Variants in AUTS2 observed in about 807,000 individuals in gnomAD.
The protein encoded by AUTS2 is activator of transcription and developmental regulator AUTS2.
A neutral mutation model predicts 112.4 loss-of-function variants in AUTS2; 17 were observed. The ratio of observed to expected loss-of-function variants is 0.15; its 90% CI spans 0.10 to 0.23. The LOEUF is 0.23. Among genes scored for constraint, AUTS2 ranks in the 10% least tolerant of loss-of-function variants. AUTS2 has a pLI of 1.00. For missense variants in AUTS2, 1,510 were observed against 1,701.6 expected (o/e 0.89, Z 1.98); for synonymous variants, 751 against 702.7 (o/e 1.07, Z -1.09).
chr7:70,094,258 A>G (rs1220679600), intron 2 of AUTS2, among the ~76,000 whole-genome samples: 1 of 152,252 alleles, frequency 6.6e-6, no homozygotes, highest in Non-Finnish European at 1.5e-5. Flanking sequence ...TGCGCCCTGC[A>G]TGCTTGTTGC....
intron 1 of AUTS2, among the ~76,000 whole-genome samples, chr7:69,801,833 C>T (rs1439894048): frequency 6.6e-6 from 1 of 152,070 alleles, no homozygotes; most frequent in Non-Finnish European, 1.5e-5. Context: ...CGTCTAATAT[C>T]TAGAGTATTA....
At chr7:70,434,553 T>G (rs1468417216) in intron 4 of AUTS2, among the ~76,000 whole-genome samples, 2 of 152,242 alleles carry the variant, frequency 1.3e-5, no homozygotes, top group East Asian at 1.9e-4. Flanking sequence ...AGAATTGCTG[T>G]GCCATCTGCT....
chr7:69,954,040 G>A (rs1398498161), intron 2 of AUTS2, among the ~76,000 whole-genome samples: 1 of 151,952 alleles, frequency 6.6e-6, no homozygotes, highest in Non-Finnish European at 1.5e-5. Flanking sequence ...TCCCCACCCC[G>A]TAGCTTTACT....
chr7:70,677,693 G>A (rs1200405915), intron 5 of AUTS2, among the ~76,000 whole-genome samples: 1 of 152,094 alleles, frequency 6.6e-6, no homozygotes, highest in East Asian at 1.9e-4. Flanking sequence ...AAGGTTCTGG[G>A]ATTATAGGCA....
At chr7:70,363,450 A>T (rs1792374269) in intron 4 of AUTS2, among the ~76,000 whole-genome samples, 1 of 133,684 alleles carries the variant, frequency 7.5e-6, no homozygotes, top group African/African-American at 3.4e-5. Context: ...AACTTAGAGT[A>T]TAATATAAAA....
chr7:70,706,539 G>T (rs1227260961), intron 6 of AUTS2, among the ~76,000 whole-genome samples: 1 of 152,204 alleles, frequency 6.6e-6, no homozygotes, highest in Non-Finnish European at 1.5e-5. Context: ...CAAATCAGGA[G>T]CTGTTGCCTC....
chr7:70,051,461 A>C (rs1801749850), intron 2 of AUTS2, among the ~76,000 whole-genome samples: 1 of 152,220 alleles, frequency 6.6e-6, no homozygotes, highest in African/African-American at 2.4e-5. Context: ...TCACACCTGT[A>C]ATCCCTGCAG....
intron 3 of AUTS2, 185 bp downstream of exon 3, chr7:70,118,418 C>G: frequency 1.4e-6 from 1 of 710,436 alleles, no homozygotes; most frequent in East Asian, 3.4e-5. Flanking sequence ...TGGTGTCATT[C>G]TAAAATGTCG....
intron 2 of AUTS2, among the ~76,000 whole-genome samples, chr7:70,091,097 C>T (rs1407311754): frequency 6.6e-6 from 1 of 152,138 alleles, no homozygotes; most frequent in Admixed American, 6.5e-5. Flanking sequence ...ATAGAACTAG[C>T]GGTTGATACT....
Position 70,574,774 on chromosome 7 carries a change from G to A in AUTS2, c.691-123795G>A, listed in dbSNP as rs538124108. 6.2e-3 allele frequency among the ~76,000 whole-genome samples: 948 copies of A among 152,270 alleles called. 8 individuals carry two copies. The highest frequency in any genetic ancestry group is 0.021 in the African/African-American group (869 of 41,552). ...ATTTGAACAGGACTGCTTTGTTTTA[G>A]CTGGACCTAGAGGTTTAAATCACAA... On this transcript the variant is annotated intron_variant, in intron 5 of 18. Coordinates refer to ENST00000342771, the MANE Select transcript of AUTS2 (RefSeq NM_015570.4).
intron 2 of AUTS2, among the ~76,000 whole-genome samples, chr7:70,015,872 G>A (rs369546333): frequency 3.4e-5 from 5 of 148,658 alleles, no homozygotes; most frequent in African/African-American, 1.2e-4. Context: ...TTTTCCCCCT[G>A]TGCTTATGCT....
intron 5 of AUTS2, among the ~76,000 whole-genome samples, chr7:70,614,462 G>A (rs1039465503): frequency 1.3e-5 from 2 of 152,176 alleles, no homozygotes; most frequent in African/African-American, 2.4e-5. Flanking sequence ...GGATGCTCAC[G>A]ATGGTGCTAA....
intron 1 of AUTS2, among the ~76,000 whole-genome samples, chr7:69,652,728 G>A (rs1026147346): frequency 1.3e-5 from 2 of 152,066 alleles, no homozygotes; most frequent in Non-Finnish European, 2.9e-5. Flanking sequence ...AAAAAAGGGG[G>A]AAAAGTGTAA....
intron 5 of AUTS2, among the ~76,000 whole-genome samples, chr7:70,656,636 A>C (rs976794875): frequency 2.6e-5 from 4 of 152,254 alleles, no homozygotes; most frequent in African/African-American, 9.6e-5. Flanking sequence ...TGACTTGGCC[A>C]GGATCCTACC....
intron 6 of AUTS2, among the ~76,000 whole-genome samples, chr7:70,756,548 T>C (rs1445808871): frequency 6.6e-6 from 1 of 152,222 alleles, no homozygotes; most frequent in Non-Finnish European, 1.5e-5. Context: ...CCTAATAAAA[T>C]ATAAAGGAGA....
intron 5 of AUTS2, among the ~76,000 whole-genome samples, chr7:70,513,891 C>T (rs1028808231): frequency 6.6e-6 from 1 of 152,078 alleles, no homozygotes; most frequent in African/African-American, 2.4e-5. Context: ...AACTCCTGAC[C>T]TCAGGTGATT....
At chr7:69,955,787 G>C (rs1319896042) in intron 2 of AUTS2, among the ~76,000 whole-genome samples, 1 of 152,104 alleles carries the variant, frequency 6.6e-6, no homozygotes, top group Non-Finnish European at 1.5e-5. Flanking sequence ...TGAATCTCTG[G>C]ATTGGCCACT....
At chr7:69,940,486 C>T (rs1046875971) in intron 2 of AUTS2, among the ~76,000 whole-genome samples, 1 of 152,042 alleles carries the variant, frequency 6.6e-6, no homozygotes, top group African/African-American at 2.4e-5. Context: ...GAGAGAAGCC[C>T]ATTAGGGGTA....
chr7:70,730,124 C>T (rs1290947765), intron 6 of AUTS2, among the ~76,000 whole-genome samples: 1 of 152,050 alleles, frequency 6.6e-6, no homozygotes, highest in Non-Finnish European at 1.5e-5. Context: ...CCTCATGATC[C>T]GCCTACCTCG....
Sources: gnomAD v4.1 joint callset for allele counts (sites outside exome capture counted in the v4.1 genomes callset) on GRCh38, gnomAD v4.1.1 for gene constraint, MANE v1.5 for transcripts, NCBI Gene and HGNC (gene_info 2026-07-23, HGNC 2026-07-21) for gene names.